CDH12: variants seen among roughly 807,000 people sequenced by gnomAD.
CDH12 encodes cadherin-12.
CDH12 carries 41 observed loss-of-function variants against 74.1 expected under a neutral mutation model. The ratio of observed to expected loss-of-function variants is 0.55; its 90% CI spans 0.43 to 0.72. The LOEUF is 0.72. CDH12 is among the 30% of genes least tolerant of loss of function. CDH12 has a pLI of 0.00. For missense variants in CDH12, 945 were observed against 977.2 expected (o/e 0.97, Z 0.44); for synonymous variants, 399 against 355.0 (o/e 1.12, Z -1.39).
intron 3 of CDH12, among the ~76,000 whole-genome samples, chr5:22,379,879 A>C (rs1741686789): frequency 6.6e-6 from 1 of 152,126 alleles, no homozygotes; most frequent in Admixed American, 6.6e-5. Flanking sequence ...TCAGCCTTCC[A>C]AGTAATTAGA....
At chr5:22,509,944 C>T (rs1736533624) in intron 1 of CDH12, among the ~76,000 whole-genome samples, 1 of 151,518 alleles carries the variant, frequency 6.6e-6, no homozygotes, top group African/African-American at 2.4e-5. Context: ...CTCAGCAGAG[C>T]AAGTACCAAA....
At chr5:21,796,882 A>C (rs1167121196) in intron 10 of CDH12, among the ~76,000 whole-genome samples, 1 of 152,088 alleles carries the variant, frequency 6.6e-6, no homozygotes, top group African/African-American at 2.4e-5. Context: ...AAAAGCCCCT[A>C]CTTCACTAAT....
At position 22,078,543 on chromosome 5, in the gene CDH12, T is replaced by C. The variant is rs768660777; in HGVS notation, c.134A>G (p.Gln45Arg). 6.2e-7 allele frequency: 1 copy of C among 1,613,998 alleles called. No individual in the cohort carries two copies. Among genetic ancestry groups the C allele is most frequent in the South Asian group, 1.1e-5 (1 of 91,076 alleles). The part of the protein sequence containing the change: ...PRENVIHLPG[Q>R]RSHFQRVKRG... ...TTTAACACGTTGGAAATGTGACCGTTGTCCTGGCAGATGGATAACATTTTC... is the reference window on the plus strand; with the variant it reads ...TTTAACACGTTGGAAATGTGACCGTCGTCCTGGCAGATGGATAACATTTTC... Residue 45 changes from glutamine to arginine, a missense_variant, in exon 5 of 15, where the codon CAA becomes CGA. By Grantham distance (43) the Gln-to-Arg change is conservative (BLOSUM62 1). This residue lies in a region of CDH12 where 148 missense variants were observed against 162.8 expected (regional missense o/e 0.91). Coordinates refer to ENST00000382254, the MANE Select transcript of CDH12 (RefSeq NM_004061.5).
chr5:21,880,600 C>CTCTCTCTCT (rs1752237793), intron 6 of CDH12, among the ~76,000 whole-genome samples: 1 of 48,842 alleles, frequency 2.0e-5, no homozygotes, highest in African/African-American at 6.7e-5. Context: ...TCCTTCCTTC[C>CTCTCTCTCT]TTCCTTCCTT....
At chr5:22,519,631 G>C (rs1393990601) in intron 1 of CDH12, among the ~76,000 whole-genome samples, 1 of 152,026 alleles carries the variant, frequency 6.6e-6, no homozygotes, top group East Asian at 1.9e-4. Context: ...GACCATGTTA[G>C]TCAGGATGGT....
intron 3 of CDH12, among the ~76,000 whole-genome samples, chr5:22,319,985 A>G (rs1442884204): frequency 6.6e-6 from 1 of 152,150 alleles, no homozygotes; most frequent in Non-Finnish European, 1.5e-5. Context: ...ACTTGCATCT[A>G]TTGAGCAGTA....
chr5:22,243,976 A>T (rs1477146457), intron 3 of CDH12, among the ~76,000 whole-genome samples: 1 of 152,212 alleles, frequency 6.6e-6, no homozygotes, highest in African/African-American at 2.4e-5. Context: ...AAAGGGATAA[A>T]TTAAATTGGG....
chr5:22,359,838 C>T (rs140464269), intron 3 of CDH12, among the ~76,000 whole-genome samples: 11,127 of 151,952 alleles, frequency 0.073, 520 homozygotes, highest in Non-Finnish European at 0.097. Flanking sequence ...GTACTGGGTA[C>T]GTAACGAAAT....
chr5:21,919,852 T>A (rs1488842699), intron 6 of CDH12, among the ~76,000 whole-genome samples: 3 of 152,138 alleles, frequency 2.0e-5, no homozygotes, highest in African/African-American at 7.2e-5. Flanking sequence ...TTGACAGAGT[T>A]CTAATGTCAG....
intron 2 of CDH12, among the ~76,000 whole-genome samples, chr5:22,476,154 C>CTGAT (rs1746160386): frequency 4.6e-5 from 7 of 152,004 alleles, no homozygotes; most frequent in African/African-American, 7.2e-5. Context: ...CAGCTATCTA[C>CTGAT]TTACCCTGTT....
chr5:21,914,275 G>A (rs1753991201), intron 6 of CDH12, among the ~76,000 whole-genome samples: 1 of 152,106 alleles, frequency 6.6e-6, no homozygotes, highest in Non-Finnish European at 1.5e-5. Flanking sequence ...CACTGTGAGA[G>A]GATATTAAAT....
intron 10 of CDH12, among the ~76,000 whole-genome samples, chr5:21,799,458 C>T (rs548599186): frequency 2.0e-5 from 3 of 152,240 alleles, no homozygotes; most frequent in African/African-American, 7.2e-5. Flanking sequence ...TAGAAGAGAA[C>T]ATTAAGGGTT....
chr5:22,329,605 G>A (rs1739262010), intron 3 of CDH12, among the ~76,000 whole-genome samples: 1 of 152,180 alleles, frequency 6.6e-6, no homozygotes, highest in South Asian at 2.1e-4. Flanking sequence ...TATTAAAAGA[G>A]TCATTGAAAA....
intron 3 of CDH12, among the ~76,000 whole-genome samples, chr5:22,399,725 C>T (rs1580608135): frequency 6.6e-6 from 1 of 152,146 alleles, no homozygotes; most frequent in African/African-American, 2.4e-5. Context: ...TTGTGTTTCC[C>T]GCTCCTCCTT....
intron 2 of CDH12, among the ~76,000 whole-genome samples, chr5:22,433,987 C>G (rs1744273393): frequency 6.6e-6 from 1 of 152,148 alleles, no homozygotes; most frequent in Non-Finnish European, 1.5e-5. Flanking sequence ...TGTAAGTTTT[C>G]TGAGTCGTTC....
intron 5 of CDH12, among the ~76,000 whole-genome samples, chr5:22,045,424 C>G (rs1209277443): frequency 2.0e-4 from 31 of 152,098 alleles, no homozygotes; most frequent in Admixed American, 2.0e-3. Flanking sequence ...ATCTAGCAAT[C>G]CCATTACTGG....
intron 4 of CDH12, among the ~76,000 whole-genome samples, chr5:22,149,649 A>G (rs1189060355): frequency 3.3e-5 from 5 of 152,154 alleles, no homozygotes; most frequent in Admixed American, 3.3e-4. Flanking sequence ...CTAATCTCCA[A>G]CCTCAACAGA....
chr5:22,696,818 TG>T (rs1488466286), intron 1 of CDH12, among the ~76,000 whole-genome samples: 1 of 152,180 alleles, frequency 6.6e-6, no homozygotes, highest in Non-Finnish European at 1.5e-5. Context: ...CAGTGCTTTA[TG>T]GAATATTCTC....
At chr5:22,421,174 A>T (rs1743636730) in intron 2 of CDH12, among the ~76,000 whole-genome samples, 1 of 152,004 alleles carries the variant, frequency 6.6e-6, no homozygotes, top group African/African-American at 2.4e-5. Flanking sequence ...CTATCTGAAT[A>T]CCTTTTATTT....
Sources: allele counts gnomAD v4.1 joint callset (sites outside exome capture counted in the v4.1 genomes callset), GRCh38; gene constraint gnomAD v4.1.1; regional missense constraint gnomAD v4.1.1; transcripts MANE v1.5; gene names NCBI Gene and HGNC (gene_info 2026-07-23, HGNC 2026-07-21).